Variants in TAFA1 observed in about 807,000 individuals in gnomAD.
The protein encoded by TAFA1 is chemokine-like protein TAFA-1.
A neutral mutation model predicts 18.5 loss-of-function variants in TAFA1; 4 were observed. The observed-to-expected ratio is 0.22, with a 90% CI of 0.11 to 0.49. The LOEUF (loss-of-function observed/expected upper bound fraction) is 0.49. Ranked by LOEUF, TAFA1 falls within the 20% of genes least tolerant of loss-of-function variation. The probability of loss-of-function intolerance (pLI) is 0.98; values close to 1 mark genes in which losing one functional copy is unlikely to be tolerated. For synonymous variants in TAFA1, 56 were observed against 55.2 expected (o/e 1.01, Z -0.06); for missense variants, 147 against 169.0 (o/e 0.87, Z 0.72).
intron 2 of TAFA1, among the ~76,000 whole-genome samples, chr3:68,184,920 T>C (rs1476534009): frequency 6.6e-6 from 1 of 152,176 alleles, no homozygotes; most frequent in African/African-American, 2.4e-5. Context: ...CGGGATGTTT[T>C]TCTACATCCT....
chr3:68,046,738 A>G (rs1292701012), intron 2 of TAFA1, among the ~76,000 whole-genome samples: 1 of 152,186 alleles, frequency 6.6e-6, no homozygotes, highest in Non-Finnish European at 1.5e-5. Flanking sequence ...GAGGTTAAGT[A>G]ACTTCTTTGG....
At chr3:68,248,073 G>T (rs1306937540) in intron 2 of TAFA1, among the ~76,000 whole-genome samples, 1 of 152,128 alleles carries the variant, frequency 6.6e-6, no homozygotes, top group Admixed American at 6.5e-5. Context: ...GACTGTTGGG[G>T]GAAAATTCTC....
rs1559694779 is a variant in TAFA1 at position 68,498,721 on chromosome 3, G to GTTTTTTTTTTTTTTTTTTT, written c.260-40035_260-40034insTTTTTTTTTTTTTTTTTTT. Among the ~76,000 whole-genome samples the GTTTTTTTTTTTTTTTTTTT allele has an allele frequency of 2.0e-5, 2 of 101,722 alleles. 1 individual carries two copies. The allele number at this position is 101,722 out of a possible 152,430, so 66.7% of individuals were successfully genotyped here. ...AAATTCCTCCCAAAGCCGTTTGGTG[G>GTTTTTTTTTTTTTTTTTTT]CTTTTTTTTTTTTTTTTTTTTTTTT... On this transcript the variant is annotated intron_variant, in intron 3 of 4. Coordinates refer to ENST00000478136, the MANE Select transcript of TAFA1 (RefSeq NM_213609.4).
At chr3:67,999,095 G>A in the TAFA1 span, among the ~76,000 whole-genome samples, 147,859 of 152,292 alleles carry the variant, frequency 0.97, 71,795 homozygotes, top group African/African-American at 0.98. Flanking sequence ...CTATCAACCA[G>A]ATGTGGCTAT....
intron 2 of TAFA1, among the ~76,000 whole-genome samples, chr3:68,369,711 A>G (rs1350049096): frequency 1.3e-5 from 2 of 152,162 alleles, no homozygotes; most frequent in Non-Finnish European, 2.9e-5. Context: ...TTTCAATTTC[A>G]ATATAAATTG....
At chr3:68,085,586 G>C (rs911882175) in intron 2 of TAFA1, among the ~76,000 whole-genome samples, 7 of 152,102 alleles carry the variant, frequency 4.6e-5, no homozygotes, top group Admixed American at 3.9e-4. Context: ...CATCACTCCT[G>C]ATCTTCATAA....
chr3:68,535,172 C>T (rs1464293878), intron 3 of TAFA1, among the ~76,000 whole-genome samples: 1 of 152,092 alleles, frequency 6.6e-6, no homozygotes, highest in Non-Finnish European at 1.5e-5. Context: ...TATAGGTTTT[C>T]AATAAACACT....
chr3:68,278,975 T>C (rs535865139), intron 2 of TAFA1, among the ~76,000 whole-genome samples: 1 of 152,270 alleles, frequency 6.6e-6, no homozygotes, highest in South Asian at 2.1e-4. Flanking sequence ...TTTCATTCAG[T>C]AGGTCTGCTT....
chr3:68,052,343 C>G (rs2064481217), intron 2 of TAFA1, among the ~76,000 whole-genome samples: 1 of 152,142 alleles, frequency 6.6e-6, no homozygotes, highest in African/African-American at 2.4e-5. Context: ...CAATGGCACT[C>G]TTTTTTGTTT....
chr3:68,472,842 T>C (rs1296988503), intron 3 of TAFA1, among the ~76,000 whole-genome samples: 1 of 152,118 alleles, frequency 6.6e-6, no homozygotes, highest in Non-Finnish European at 1.5e-5. Context: ...ATAAGTTACT[T>C]TGACTAATGA....
intron 4 of TAFA1, among the ~76,000 whole-genome samples, chr3:68,539,800 C>G (rs939247385): frequency 6.6e-6 from 1 of 151,464 alleles, no homozygotes; most frequent in Non-Finnish European, 1.5e-5. Context: ...CACTCTGTTG[C>G]CCAGGCTGGA....
chr3:68,168,254 A>T (rs1203601872), intron 2 of TAFA1, among the ~76,000 whole-genome samples: 1 of 152,102 alleles, frequency 6.6e-6, no homozygotes, highest in African/African-American at 2.4e-5. Context: ...CAATTGCTGT[A>T]ATTACAGTGA....
chr3:68,097,283 G>A (rs950216038), intron 2 of TAFA1, among the ~76,000 whole-genome samples: 2 of 151,984 alleles, frequency 1.3e-5, no homozygotes, highest in Admixed American at 6.6e-5. Context: ...TCTCATAGTA[G>A]CCCTTATTTG....
intron 2 of TAFA1, among the ~76,000 whole-genome samples, chr3:68,180,350 A>G (rs188650159): frequency 2.6e-5 from 4 of 152,002 alleles, no homozygotes; most frequent in Non-Finnish European, 5.9e-5. Flanking sequence ...TATTTTATTT[A>G]TATATGTCAG....
chr3:68,198,257 GT>G (rs1253519505), intron 2 of TAFA1, among the ~76,000 whole-genome samples: 14 of 151,564 alleles, frequency 9.2e-5, no homozygotes, highest in African/African-American at 3.1e-4. Context: ...GTGTATCTCA[GT>G]TTTATCTGTT....
At chr3:68,269,165 A>G (rs2067609887) in intron 2 of TAFA1, among the ~76,000 whole-genome samples, 1 of 152,160 alleles carries the variant, frequency 6.6e-6, no homozygotes, top group Non-Finnish European at 1.5e-5. Context: ...TTAAAGATGC[A>G]GATTCTGGTT....
At chr3:68,197,808 A>G (rs1234308916) in intron 2 of TAFA1, among the ~76,000 whole-genome samples, 1 of 151,734 alleles carries the variant, frequency 6.6e-6, no homozygotes, top group Non-Finnish European at 1.5e-5. Flanking sequence ...GAAAGCTAAG[A>G]TCTGTGAGGT....
intron 3 of TAFA1, among the ~76,000 whole-genome samples, chr3:68,469,332 C>T (rs1197806622): frequency 6.6e-6 from 1 of 152,128 alleles, no homozygotes; most frequent in Non-Finnish European, 1.5e-5. Flanking sequence ...TAATTCATCT[C>T]CCATTTGTTG....
chr3:68,219,297 A>C (rs1033270884), intron 2 of TAFA1, among the ~76,000 whole-genome samples: 1 of 152,160 alleles, frequency 6.6e-6, no homozygotes, highest in Non-Finnish European at 1.5e-5. Flanking sequence ...ACTATAACAA[A>C]ATAAAACCTA....
Sources: allele counts gnomAD v4.1 joint callset (sites outside exome capture counted in the v4.1 genomes callset), GRCh38; gene constraint gnomAD v4.1.1; transcripts MANE v1.5; gene names NCBI Gene and HGNC (gene_info 2026-07-23, HGNC 2026-07-21).